The following AMMECR1 variants were observed in gnomAD, a reference collection of about 807,000 sequenced individuals.
AMMECR1 encodes the protein AMMECR nuclear protein 1, also known as nuclear protein AMMECR1.
A neutral mutation model predicts 22.5 loss-of-function variants in AMMECR1; 3 were observed. That is an observed-to-expected ratio of 0.13 (90% CI 0.06 to 0.35). The LOEUF is 0.35. Ranked by LOEUF, AMMECR1 falls within the 10% of genes least tolerant of loss-of-function variation. AMMECR1 has a pLI of 1.00. For missense variants in AMMECR1, 235 were observed against 278.7 expected, an observed-to-expected ratio of 0.84 and a Z score of 1.12; for synonymous variants, 130 against 116.7, an observed-to-expected ratio of 1.11 and a Z score of -0.74.
intron 2 of AMMECR1, among the ~76,000 whole-genome samples, chrX:110,325,323 T>A (rs1324517448): frequency 1.8e-5 from 2 of 111,974 alleles, no homozygotes; most frequent in Non-Finnish European, 3.8e-5. Context: ...ATACTCTTAG[T>A]TATTTTTAAA....
intron 1 of AMMECR1, among the ~76,000 whole-genome samples, chrX:110,274,985 G>A (rs1051050080): frequency 1.8e-5 from 2 of 111,571 alleles, no homozygotes; most frequent in African/African-American, 3.3e-5. Context: ...TAACGTATAC[G>A]TCCATTTAAC....
chrX:110,242,216 T>C (rs2067637195), intron 2 of AMMECR1, among the ~76,000 whole-genome samples: 1 of 111,831 alleles, frequency 8.9e-6, no homozygotes, highest in African/African-American at 3.2e-5. Context: ...ATATACAGAA[T>C]TGTAAATCAG....
chrX:110,289,346 T>C (rs185831893), intron 1 of AMMECR1, among the ~76,000 whole-genome samples: 3 of 111,505 alleles, frequency 2.7e-5, no homozygotes, highest in African/African-American at 9.8e-5. Flanking sequence ...AGGATATTAC[T>C]ATTTTACACT....
chrX:110,391,540 C>T (rs886309454), intron 2 of AMMECR1, among the ~76,000 whole-genome samples: 1 of 111,975 alleles, frequency 8.9e-6, no homozygotes, highest in Non-Finnish European at 1.9e-5. Flanking sequence ...TTGCACATTC[C>T]TACCTCTGGC....
At chrX:110,273,432 C>A (rs2067809985) in intron 1 of AMMECR1, among the ~76,000 whole-genome samples, 1 of 111,941 alleles carries the variant, frequency 8.9e-6, no homozygotes. Flanking sequence ...CAAATGTTTT[C>A]TCCTGTTCTG....
At chrX:110,367,664 A>G (rs368806058) in intron 2 of AMMECR1, among the ~76,000 whole-genome samples, 2 of 111,133 alleles carry the variant, frequency 1.8e-5, no homozygotes, top group East Asian at 5.6e-4. Context: ...GGTCAAAGTG[A>G]CTATTTTCCT....
At chrX:110,420,124 T>C (rs1484498689) in intron 2 of AMMECR1, among the ~76,000 whole-genome samples, 1 of 111,525 alleles carries the variant, frequency 9.0e-6, no homozygotes, top group Non-Finnish European at 1.9e-5. Flanking sequence ...CCACCTCATG[T>C]TACCCTACAC....
At chrX:110,394,991 A>T (rs1024070204) in intron 2 of AMMECR1, among the ~76,000 whole-genome samples, 2 of 112,559 alleles carry the variant, frequency 1.8e-5, no homozygotes, top group Non-Finnish European at 3.8e-5. Context: ...GAGCTTTGGG[A>T]TCTGGAACTG....
intron 1 of AMMECR1, among the ~76,000 whole-genome samples, chrX:110,299,254 C>T (rs1266128788): frequency 9.0e-6 from 1 of 111,572 alleles, no homozygotes; most frequent in African/African-American, 3.3e-5. Context: ...AGTGTTGGTT[C>T]TTAGACAAAA....
intron 2 of AMMECR1, 52 bp downstream of exon 2, chrX:110,264,437 A>G (rs1053868230): frequency 9.9e-6 from 7 of 709,483 alleles, no homozygotes; most frequent in East Asian, 6.7e-5. Context: ...TTCAAGTTTC[A>G]TAAGTTTTTT....
In AMMECR1 at chrX:110,241,044, C is replaced by T. The variant is rs765144736; in HGVS notation, c.584+23445G>A. On this transcript the variant is annotated intron_variant, in intron 2 of 5. Coordinates refer to ENST00000262844, the MANE Select transcript of AMMECR1 (RefSeq NM_015365.3). ...TCTTGGAAACCAATGAGAACAAAGA[C>T]ACAATGTACCAGAATCTTTGGGACA... is the stretch of plus-strand genomic sequence containing the variant. 6.3e-5 allele frequency among the ~76,000 whole-genome samples: 7 copies of T among 111,713 alleles called. No homozygotes were observed. In the East Asian group the frequency reaches 2.0e-3, roughly 31 times the overall value.
chrX:110,341,000 T>C (rs2068161877), intron 2 of AMMECR1, among the ~76,000 whole-genome samples: 1 of 112,746 alleles, frequency 8.9e-6, no homozygotes, highest in Admixed American at 9.4e-5. Flanking sequence ...TGCTGAAATA[T>C]TCCAAAGATG....
chrX:110,274,738 G>A (rs2067817220), intron 1 of AMMECR1, among the ~76,000 whole-genome samples: 1 of 111,692 alleles, frequency 9.0e-6, no homozygotes, highest in African/African-American at 3.3e-5. Flanking sequence ...ACAGAGTTGG[G>A]TTTAAGTCTA....
chrX:110,367,470 T>A (rs1328393833), intron 2 of AMMECR1, among the ~76,000 whole-genome samples: 1 of 111,683 alleles, frequency 9.0e-6, no homozygotes, highest in East Asian at 2.8e-4. Flanking sequence ...AACAGCGGCA[T>A]TTGACACAGT....
At chrX:110,276,198 A>G (rs1186937150) in intron 1 of AMMECR1, among the ~76,000 whole-genome samples, 1 of 111,645 alleles carries the variant, frequency 9.0e-6, no homozygotes, top group African/African-American at 3.3e-5. Flanking sequence ...TTCATTTTTT[A>G]TAGTATACTT....
intron 1 of AMMECR1, among the ~76,000 whole-genome samples, chrX:110,314,033 A>G (rs1311253402): frequency 1.8e-5 from 2 of 111,757 alleles, no homozygotes; most frequent in East Asian, 5.5e-4. Flanking sequence ...CCCCACACCA[A>G]CTGAATCAGA....
chrX:110,331,151 A>T (rs1208515623), intron 2 of AMMECR1, among the ~76,000 whole-genome samples: 1 of 106,092 alleles, frequency 9.4e-6, no homozygotes, highest in Non-Finnish European at 1.9e-5. Context: ...AGAACCCCAA[A>T]CTCTCTTTTA....
intron 2 of AMMECR1, among the ~76,000 whole-genome samples, chrX:110,338,200 A>G (rs1056719564): frequency 8.9e-6 from 1 of 112,433 alleles, no homozygotes; most frequent in Non-Finnish European, 1.9e-5. Flanking sequence ...ATACATTTAA[A>G]AAGTTAAGAT....
At chrX:110,348,508 G>T (rs1162467298) in intron 2 of AMMECR1, among the ~76,000 whole-genome samples, 1 of 112,138 alleles carries the variant, frequency 8.9e-6, no homozygotes, top group Non-Finnish European at 1.9e-5. Flanking sequence ...CAGGCTTTGA[G>T]AGAAAAAGCA....
Sources: allele counts gnomAD v4.1 joint callset (sites outside exome capture counted in the v4.1 genomes callset), GRCh38; gene constraint gnomAD v4.1.1; transcripts MANE v1.5; gene names NCBI Gene and HGNC (gene_info 2026-07-23, HGNC 2026-07-21).